Variants in SNX13 observed in about 807,000 individuals in gnomAD.
SNX13 encodes sorting nexin-13.
SNX13 carries 45 observed loss-of-function variants against 133.6 expected under a neutral mutation model. The ratio of observed to expected loss-of-function variants is 0.34; its 90% CI spans 0.27 to 0.43. The LOEUF (loss-of-function observed/expected upper bound fraction) is 0.43, where lower values mean the gene tolerates loss of function less well. Ranked by LOEUF, SNX13 falls within the 20% of genes least tolerant of loss-of-function variation. The pLI, the probability that SNX13 is intolerant of heterozygous loss-of-function variation, is 1.00. For missense variants in SNX13, 1,032 were observed against 1,145.1 expected, an observed-to-expected ratio of 0.90 and a Z score of 1.43; for synonymous variants, 414 against 373.9, an observed-to-expected ratio of 1.11 and a Z score of -1.24.
At chr7:17,892,023 A>G (rs1420323880) in intron 3 of SNX13, among the ~76,000 whole-genome samples, 1 of 152,102 alleles carries the variant, frequency 6.6e-6, no homozygotes, top group Non-Finnish European at 1.5e-5. Context: ...ACCAGCTGCA[A>G]AATAATTAAT....
chr7:17,926,655 G>A (rs1399930901), intron 1 of SNX13, among the ~76,000 whole-genome samples: 1 of 152,186 alleles, frequency 6.6e-6, no homozygotes, highest in Admixed American at 6.5e-5. Context: ...GGAGGCTGAG[G>A]TGGATGGATT....
intron 12 of SNX13, among the ~76,000 whole-genome samples, chr7:17,841,586 A>ACACACG (rs1554321926): frequency 1.4e-4 from 21 of 151,266 alleles, no homozygotes; most frequent in African/African-American, 4.4e-4. Context: ...ACACACACGC[A>ACACACG]CACACACCCC....
At chr7:17,834,286 G>C in intron 14 of SNX13, 102 bp from the exon 15 acceptor site, 2 of 1,006,440 alleles carry the variant, frequency 2.0e-6, no homozygotes, top group Non-Finnish European at 2.7e-6. Context: ...TTGCCATAAT[G>C]TATCATAGTT....
chr7:17,835,298 A>G (rs1241060282), intron 13 of SNX13, among the ~76,000 whole-genome samples: 2 of 151,962 alleles, frequency 1.3e-5, no homozygotes, highest in Non-Finnish European at 2.9e-5. Flanking sequence ...GTGTATTAAT[A>G]TGACTGCTGA....
rs561597992 is a variant in SNX13 at position 17,803,496 on chromosome 7, C to T, written c.2149G>A (p.Gly717Arg). 6.2e-7 allele frequency: 1 copy of T among 1,612,214 alleles called. No homozygotes were observed. Among genetic ancestry groups the T allele is most frequent in the South Asian group, 1.1e-5 (1 of 90,720 alleles). ...ATGTTGTCTGACATTTTAGTCATTCCCTCTGCCAAGCTATCAGGAAGGGAT... is the reference window on the plus strand; with the variant it reads ...ATGTTGTCTGACATTTTAGTCATTCTCTCTGCCAAGCTATCAGGAAGGGAT... Reference protein sequence around the residue: ...VKSLPDSLAEGMTKMSDNMGK... With the variant: ...VKSLPDSLAERMTKMSDNMGK... The change falls in exon 21 of 26, where the codon GGA (glycine) becomes AGA (arginine). Residue 717 changes from glycine to arginine, a missense_variant. Gly to Arg is a moderately radical substitution (Grantham distance 125, BLOSUM62 -2). Transcript: ENST00000428135.
intron 1 of SNX13, among the ~76,000 whole-genome samples, chr7:17,912,960 T>A (rs985261271): frequency 1.2e-4 from 18 of 152,138 alleles, no homozygotes; most frequent in African/African-American, 4.3e-4. Context: ...AGGTTTCTCC[T>A]AGGATGCAAG....
intron 20 of SNX13, among the ~76,000 whole-genome samples, chr7:17,809,877 A>C (rs1434597096): frequency 6.6e-6 from 1 of 152,228 alleles, no homozygotes; most frequent in African/African-American, 2.4e-5. Context: ...ACCACTGGGT[A>C]AATAACGAAA....
Position 17,940,420 on chromosome 7 carries a change from G to C in SNX13, c.-125C>G, listed in dbSNP as rs1437093598. ...TGCTCCTTCAGTCTTCTCCCGGGCG[G>C]CGGTTTTACTCGGCTTCGCTGGCCT... is the stretch of plus-strand genomic sequence containing the variant. On this transcript the variant is annotated 5_prime_UTR_variant, in exon 1 of 26. Coordinates refer to ENST00000428135, the MANE Select transcript of SNX13 (RefSeq NM_015132.5). 1.7e-6 allele frequency: 2 copies of C among 1,166,004 alleles called. No homozygotes were observed. Among genetic ancestry groups the C allele is most frequent in the Admixed American group, 4.0e-5 (2 of 50,540 alleles). The allele number at this position is 1,166,004 out of a possible 1,614,324, so 72.2% of individuals were successfully genotyped here. A position where few individuals can be genotyped will look rare whatever the true frequency, so the allele number is the denominator to read the frequency against.
intron 20 of SNX13, among the ~76,000 whole-genome samples, chr7:17,813,477 T>A (rs796536187): frequency 3.3e-5 from 5 of 152,330 alleles, no homozygotes; most frequent in African/African-American, 1.2e-4. Flanking sequence ...GTTATTAGGT[T>A]GGTGAAAAGG....
At chr7:17,857,124 A>G (rs1345076092) in intron 9 of SNX13, among the ~76,000 whole-genome samples, 1 of 152,134 alleles carries the variant, frequency 6.6e-6, no homozygotes, top group Non-Finnish European at 1.5e-5. Context: ...GCTCCAACAA[A>G]CTGGAAAACC....
chr7:17,811,056 G>A (rs1039348212), intron 20 of SNX13, among the ~76,000 whole-genome samples: 1 of 152,156 alleles, frequency 6.6e-6, no homozygotes. Context: ...CATACTGAAT[G>A]GGCAAAAGCT....
chr7:17,862,107 T>C (rs1425004100), intron 9 of SNX13, among the ~76,000 whole-genome samples: 1 of 152,194 alleles, frequency 6.6e-6, no homozygotes, highest in African/African-American at 2.4e-5. Flanking sequence ...TTACAGTTAA[T>C]GCAGTTAATA....
chr7:17,846,734 T>G (rs936790898), intron 11 of SNX13, among the ~76,000 whole-genome samples: 1 of 152,118 alleles, frequency 6.6e-6, no homozygotes, highest in African/African-American at 2.4e-5. Flanking sequence ...TAATAACAGC[T>G]AACTGACTTT....
At position 17,839,674 on chromosome 7, in the gene SNX13, G is replaced by GAATCTTCACTTAA. The variant is rs1174246369; in HGVS notation, c.1359+132_1359+133insTTAAGTGAAGATT. 41 of 663,312 alleles carry GAATCTTCACTTAA rather than the reference G, an allele frequency of 6.2e-5. No individual in the cohort carries two copies. In the African/African-American group the frequency reaches 7.6e-4, roughly 12 times the overall value. 41.1% of individuals were successfully genotyped at this position (663,312 alleles called of 1,614,324 possible). On this transcript the variant is annotated intron_variant, in intron 13 of 25. Transcript: ENST00000428135. ...GAATCTTCACTTAAACGAGGATACA[G>GAATCTTCACTTAA]ACAGACAGGAAGATTGTTATCGATT...
intron 5 of SNX13, chr7:17,889,149 T>C (rs942563802): frequency 1.3e-5 from 2 of 153,786 alleles, no homozygotes; most frequent in African/African-American, 4.8e-5. Flanking sequence ...ATAAAAGAGA[T>C]TAAATTCAAA....
chr7:17,931,824 C>T lies in SNX13; in HGVS notation c.12+8460G>A, dbSNP rs368932668. Among the ~76,000 whole-genome samples the T allele has an allele frequency of 9.2e-5, 14 of 152,164 alleles. No individual in the cohort carries two copies. In the East Asian group the frequency reaches 1.9e-3, roughly 21 times the overall value. On this transcript the variant is annotated intron_variant, in intron 1 of 25. Transcript: ENST00000428135. ...CCATTATTCTACTTGAACAGTGGAACAGAGCAGAATCATCTTATTGAACTT... is the reference window on the plus strand; with the variant it reads ...CCATTATTCTACTTGAACAGTGGAATAGAGCAGAATCATCTTATTGAACTT...
chr7:17,892,174 T>G (rs1343284276), intron 3 of SNX13, among the ~76,000 whole-genome samples: 1 of 151,936 alleles, frequency 6.6e-6, no homozygotes, highest in Non-Finnish European at 1.5e-5. Context: ...ACCATAAATA[T>G]ATATAAACAT....
intron 12 of SNX13, among the ~76,000 whole-genome samples, chr7:17,840,929 G>T (rs992977407): frequency 6.6e-6 from 1 of 152,022 alleles, no homozygotes; most frequent in Non-Finnish European, 1.5e-5. Flanking sequence ...GGCTTGGGAA[G>T]TAAGCTTTGG....
In SNX13 at chr7:17,940,351, T is replaced by A. The variant is rs1562559864; in HGVS notation, c.-56A>T. Reference sequence around the variant, plus strand: ...TAGCCTCGCCTCATGGCAACAGCCGTAGCAGCAGCGAAAACTGCTCGGGCC... The same window carrying A: ...TAGCCTCGCCTCATGGCAACAGCCGAAGCAGCAGCGAAAACTGCTCGGGCC... On this transcript the variant is annotated 5_prime_UTR_variant, in exon 1 of 26. Transcript: ENST00000428135. 6.4e-7 allele frequency: 1 copy of A among 1,553,814 alleles called. No individual in the cohort carries two copies. The highest frequency in any genetic ancestry group is 1.2e-5 in the South Asian group (1 of 84,236).
Sources: allele counts gnomAD v4.1 joint callset (sites outside exome capture counted in the v4.1 genomes callset), GRCh38; gene constraint gnomAD v4.1.1; transcripts MANE v1.5; gene names NCBI Gene and HGNC (gene_info 2026-07-23, HGNC 2026-07-21).